The following SDK1 variants were observed in gnomAD, a reference collection of about 807,000 sequenced individuals.
SDK1 encodes sidekick cell adhesion molecule 1, also known as protein sidekick-1.
SDK1 carries 157 observed loss-of-function variants against 245.5 expected under a neutral mutation model. The ratio of observed to expected loss-of-function variants is 0.64; its 90% CI spans 0.56 to 0.73. SDK1 has a LOEUF of 0.73. Ranked by LOEUF, SDK1 falls within the 30% of genes least tolerant of loss-of-function variation. SDK1 has a pLI of 0.00. For missense variants in SDK1, 3,583 were observed against 3,002.3 expected, an observed-to-expected ratio of 1.19 and a Z score of -4.52; for synonymous variants, 1,647 against 1,278.5, an observed-to-expected ratio of 1.29 and a Z score of -6.15.
intron 1 of SDK1, among the ~76,000 whole-genome samples, chr7:3,597,100 C>G (rs1042687482): frequency 8.6e-5 from 13 of 151,990 alleles, no homozygotes; most frequent in Non-Finnish European, 1.6e-4. Flanking sequence ...GAAACCCTGT[C>G]TCTACTAAAA....
chr7:3,505,378 A>C (rs958810948), intron 1 of SDK1, among the ~76,000 whole-genome samples: 1 of 152,032 alleles, frequency 6.6e-6, no homozygotes, highest in African/African-American at 2.4e-5. Context: ...CTGCCTCCCA[A>C]GTAGCTAGGA....
Position 3,333,152 on chromosome 7 carries a change from T to C in SDK1, c.298+31268T>C, listed in dbSNP as rs991728019. ...CTTAAGAAATTGGGAACTAGGCTGC[T>C]TCCTGTGGTTCTGTTGCTTTGTCGG... On this transcript the variant is annotated intron_variant, in intron 1 of 44. Coordinates refer to ENST00000404826, the MANE Select transcript of SDK1 (RefSeq NM_152744.4). Among the ~76,000 whole-genome samples the C allele has an allele frequency of 5.9e-5, 9 of 152,182 alleles. 1 individual carries two copies. Among genetic ancestry groups the C allele is most frequent in the Non-Finnish European group, 1.3e-4 (9 of 68,032 alleles).
chr7:3,495,862 A>T (rs761342567), intron 1 of SDK1, among the ~76,000 whole-genome samples: 6 of 152,182 alleles, frequency 3.9e-5, no homozygotes, highest in Non-Finnish European at 8.8e-5. Flanking sequence ...AGGAAGAGAG[A>T]TGCCAGCGGT....
intron 17 of SDK1, among the ~76,000 whole-genome samples, chr7:4,047,413 T>A (rs1019019042): frequency 1.2e-5 from 1 of 80,114 alleles, no homozygotes; most frequent in African/African-American, 2.4e-4. Context: ...TGTTGAGGAT[T>A]TTTTTGAATT....
intron 1 of SDK1, among the ~76,000 whole-genome samples, chr7:3,471,125 C>T (rs564418077): frequency 6.6e-4 from 101 of 152,164 alleles, no homozygotes; most frequent in Non-Finnish European, 1.2e-3. Flanking sequence ...TTTTGATGTC[C>T]TTCATTTCCT....
chr7:3,632,870 C>A (rs555259691), intron 2 of SDK1, among the ~76,000 whole-genome samples: 1 of 152,256 alleles, frequency 6.6e-6, no homozygotes, highest in African/African-American at 2.4e-5. Flanking sequence ...CTTGTTATGG[C>A]ACAGTCTGGG....
chr7:3,319,072 T>C (rs923930561), intron 1 of SDK1, among the ~76,000 whole-genome samples: 2 of 152,030 alleles, frequency 1.3e-5, no homozygotes, highest in South Asian at 2.1e-4. Flanking sequence ...AAAAACCGCA[T>C]TGTTAAATTA....
At chr7:3,353,508 T>A (rs11982019) in intron 1 of SDK1, among the ~76,000 whole-genome samples, 2,251 of 152,332 alleles carry the variant, frequency 0.015, 65 homozygotes, top group African/African-American at 0.051. Context: ...ATATGTTCTC[T>A]GTTTATGCTC....
rs1050816442 is a variant in SDK1 at position 3,565,556 on chromosome 7, A to G, written c.299-53524A>G. Among the ~76,000 whole-genome samples the G allele has an allele frequency of 3.3e-5, 5 of 152,244 alleles. No homozygotes were observed. In the East Asian group the frequency reaches 5.8e-4, roughly 18 times the overall value. On this transcript the variant is annotated intron_variant, in intron 1 of 44. Coordinates refer to ENST00000404826, the MANE Select transcript of SDK1 (RefSeq NM_152744.4). ...AACAGAATTTAGTAAACTGATTACTAGAACTAAAGAGTACAATGACATTAC... is the reference window on the plus strand; with the variant it reads ...AACAGAATTTAGTAAACTGATTACTGGAACTAAAGAGTACAATGACATTAC...
chr7:3,675,660 A>G (rs557099757), intron 4 of SDK1, among the ~76,000 whole-genome samples: 1 of 152,088 alleles, frequency 6.6e-6, no homozygotes, highest in African/African-American at 2.4e-5. Flanking sequence ...TGCGGCCTGG[A>G]ACTCCCGGTC....
chr7:3,400,837 T>C (rs1034210460), intron 1 of SDK1, among the ~76,000 whole-genome samples: 23 of 152,188 alleles, frequency 1.5e-4, no homozygotes, highest in African/African-American at 5.1e-4. Context: ...AACAGAGCTT[T>C]ATAAAGGAGC....
intron 1 of SDK1, among the ~76,000 whole-genome samples, chr7:3,387,984 T>G (rs751436655): frequency 6.6e-6 from 1 of 152,210 alleles, no homozygotes; most frequent in Non-Finnish European, 1.5e-5. Context: ...CAAAGTTGTT[T>G]AGCTCCATAG....
intron 1 of SDK1, among the ~76,000 whole-genome samples, chr7:3,433,234 C>A (rs532429400): frequency 6.6e-6 from 1 of 152,138 alleles, no homozygotes; most frequent in African/African-American, 2.4e-5. Flanking sequence ...CTGCCTCAAC[C>A]CTCTAGTTTC....
chr7:3,323,207 T>A (rs768655282), intron 1 of SDK1, among the ~76,000 whole-genome samples: 1 of 152,166 alleles, frequency 6.6e-6, no homozygotes, highest in Non-Finnish European at 1.5e-5. Context: ...ATTTGCTGAG[T>A]TTCAGTCTTC....
chr7:4,247,348 G>A (rs1409367620), intron 44 of SDK1, among the ~76,000 whole-genome samples: 1 of 152,162 alleles, frequency 6.6e-6, no homozygotes, highest in Non-Finnish European at 1.5e-5. Context: ...TTTGCTGTCC[G>A]CACCATAGCC....
intron 41 of SDK1, among the ~76,000 whole-genome samples, chr7:4,234,733 G>A (rs1347860266): frequency 2.0e-5 from 3 of 152,174 alleles, no homozygotes; most frequent in Non-Finnish European, 2.9e-5. Flanking sequence ...GGCTCCAGGC[G>A]TGACTTTCTT....
At chr7:3,755,569 A>G (rs1271874895) in intron 4 of SDK1, among the ~76,000 whole-genome samples, 1 of 151,994 alleles carries the variant, frequency 6.6e-6, no homozygotes, top group African/African-American at 2.4e-5. Context: ...CACACTATTC[A>G]CTCTTTATGA....
At chr7:4,146,704 T>G (rs1269595166) in intron 29 of SDK1, among the ~76,000 whole-genome samples, 1 of 152,166 alleles carries the variant, frequency 6.6e-6, no homozygotes, top group Non-Finnish European at 1.5e-5. Flanking sequence ...TAAGTAAGTT[T>G]TCCAAATAAC....
intron 4 of SDK1, among the ~76,000 whole-genome samples, chr7:3,688,512 C>G (rs1212158736): frequency 2.0e-5 from 3 of 152,196 alleles, no homozygotes; most frequent in African/African-American, 4.8e-5. Flanking sequence ...TCTACAAATG[C>G]CAGCTTTGCT....
Sources: gnomAD v4.1 joint callset for allele counts (sites outside exome capture counted in the v4.1 genomes callset) on GRCh38, gnomAD v4.1.1 for gene constraint, MANE v1.5 for transcripts, NCBI Gene and HGNC (gene_info 2026-07-23, HGNC 2026-07-21) for gene names.